Variants in IRF5 observed in about 807,000 individuals in gnomAD.
The protein encoded by IRF5 is interferon regulatory factor 5.
A neutral mutation model predicts 55.1 loss-of-function variants in IRF5; 24 were observed. The ratio of observed to expected loss-of-function variants is 0.44; its 90% CI spans 0.32 to 0.61. The LOEUF is 0.61. Ranked by LOEUF, IRF5 falls within the 20% of genes least tolerant of loss-of-function variation. IRF5 has a pLI of 0.07. For synonymous variants in IRF5, 258 were observed against 260.2 expected (o/e 0.99, Z 0.08); for missense variants, 499 against 658.5 (o/e 0.76, Z 2.65).
rs1305189706 is a variant in IRF5, at chr7:128,946,964, A to G, written c.448-59A>G. On this transcript the variant is annotated intron_variant, in intron 4 of 8. Coordinates refer to ENST00000357234, the MANE Select transcript of IRF5 (RefSeq NM_001098629.3). This position sits in a 1 kb window ranked among gnomAD's most constrained non-coding sequence, Gnocchi z 4.2. ...ATTTCCCCAGCCCCAGGTCAGTGGAATAACCTGTCCTCCTTTCTCTCCCAT... is the reference window on the plus strand; with the variant it reads ...ATTTCCCCAGCCCCAGGTCAGTGGAGTAACCTGTCCTCCTTTCTCTCCCAT... 1 of 1,596,416 alleles carries G rather than the reference A, an allele frequency of 6.3e-7. No homozygotes were observed. The highest frequency in any genetic ancestry group is 1.3e-5 in the African/African-American group (1 of 74,670).
rs989707822 is a variant in IRF5 at position 128,946,393 on chromosome 7, G to A, written c.386-108G>A. On this transcript the variant is annotated intron_variant, in intron 3 of 8. Transcript: ENST00000357234. This position sits in a 1 kb window ranked among gnomAD's most constrained non-coding sequence, Gnocchi z 4.2. Reference sequence around the variant, plus strand: ...CTCGCCCTGTGTTGGGGGCAGCTTTGGGGAAGGCAGAAGCTGCATAGGAGC... The same window carrying A: ...CTCGCCCTGTGTTGGGGGCAGCTTTAGGGAAGGCAGAAGCTGCATAGGAGC... 8.7e-6 allele frequency: 12 copies of A among 1,380,792 alleles called. No individual in the cohort carries two copies. In the African/African-American group the frequency reaches 1.6e-4, roughly 18 times the overall value. The allele number at this position is 1,380,792 out of a possible 1,614,324, so 85.5% of individuals were successfully genotyped here. A position where few individuals can be genotyped will look rare whatever the true frequency, so the allele number is the denominator to read the frequency against.
chr7:128,938,327 G>C (rs541777175), intron 1 of IRF5: 2 of 152,412 alleles, frequency 1.3e-5, no homozygotes, highest in African/African-American at 4.8e-5. Flanking sequence ...TGGGGTGCTG[G>C]CGCCCGGGGA....
intron 1 of IRF5, 22 bp downstream of exon 1, chr7:128,938,071 C>G (rs1795828853): frequency 1.3e-5 from 2 of 152,188 alleles, no homozygotes; most frequent in African/African-American, 4.8e-5. Flanking sequence ...CCGCCGCGCT[C>G]TCCTCTCTGC....
At chr7:128,940,532 G>A (rs1429983725) in intron 1 of IRF5, 1 of 152,534 alleles carries the variant, frequency 6.6e-6, no homozygotes, top group Non-Finnish European at 1.5e-5. Flanking sequence ...GGGGTGCGGG[G>A]AACAGCTCTG....
rs951239491 is a variant in IRF5, at chr7:128,946,297, G to A, written c.386-204G>A. Among the ~76,000 whole-genome samples, 4 of 152,218 alleles carry A rather than the reference G, an allele frequency of 2.6e-5. No individual in the cohort carries two copies. Among genetic ancestry groups the A allele is most frequent in the African/African-American group, 9.7e-5 (4 of 41,444 alleles). On this transcript the variant is annotated intron_variant, in intron 3 of 8. Coordinates refer to ENST00000357234, the MANE Select transcript of IRF5 (RefSeq NM_001098629.3). The surrounding 1 kb of genome is among the most constrained non-coding windows in gnomAD (Gnocchi z 4.2). ...ACCATTGCCCTCGTTTTGGCTTCTG[G>A]CTCCAGCCTAGGTCTCATGGCCCAT...
rs1796301374 is a variant in IRF5 at position 128,946,350 on chromosome 7, G to C, written c.386-151G>C. On this transcript the variant is annotated intron_variant, in intron 3 of 8. Coordinates refer to ENST00000357234, the MANE Select transcript of IRF5 (RefSeq NM_001098629.3). This position sits in a 1 kb window ranked among gnomAD's most constrained non-coding sequence, Gnocchi z 4.2. ...AGTCGGGGAGGTCTTTCCCAATCCT[G>C]GTGGCTGTGCCCTCCACCTCGCCCT... 4.3e-6 allele frequency: 4 copies of C among 937,290 alleles called. No homozygotes were observed. Among genetic ancestry groups the C allele is most frequent in the Non-Finnish European group, 4.8e-6 (3 of 629,430 alleles). 58.1% of individuals were successfully genotyped at this position (937,290 alleles called of 1,614,324 possible).
intron 2 of IRF5, among the ~76,000 whole-genome samples, 190 bp from the exon 3 acceptor site, chr7:128,945,655 G>A (rs561728650): frequency 1.3e-5 from 2 of 152,338 alleles, no homozygotes; most frequent in African/African-American, 4.8e-5. Context: ...CATGTAGCTT[G>A]CTGGCAGCCT....
At chr7:128,938,585 A>G (rs926973628) in intron 1 of IRF5, among the ~76,000 whole-genome samples, 2 of 152,180 alleles carry the variant, frequency 1.3e-5, no homozygotes, top group East Asian at 1.9e-4. Flanking sequence ...CTTCAGGCCA[A>G]TGGCAGGAAC....
chr7:128,946,417 GC>G lies in IRF5; in HGVS notation c.386-83del. 6.7e-7 allele frequency: 1 copy of G among 1,499,876 alleles called. No individual in the cohort carries two copies. The highest frequency in any genetic ancestry group is 9.1e-7 in the Non-Finnish European group (1 of 1,104,162). 92.9% of individuals were successfully genotyped at this position (1,499,876 alleles called of 1,614,324 possible). A position where few individuals can be genotyped will look rare whatever the true frequency, so the allele number is the denominator to read the frequency against. On this transcript the variant is annotated intron_variant, in intron 3 of 8. Coordinates refer to ENST00000357234, the MANE Select transcript of IRF5 (RefSeq NM_001098629.3). The surrounding 1 kb of genome is among the most constrained non-coding windows in gnomAD (Gnocchi z 4.2). ...TGGGGAAGGCAGAAGCTGCATAGGA[GC>G]TACAGGCAGCCTCTCAGGGGATCTT...
chr7:128,948,725 G>C lies in IRF5; in HGVS notation c.1452G>C (p.Gln484His), dbSNP rs1796467518. The C allele has an allele frequency of 6.2e-7, 1 of 1,613,640 alleles. No individual in the cohort carries two copies. The highest frequency in any genetic ancestry group is 8.5e-7 in the Non-Finnish European group (1 of 1,180,040). ...AGCTCCATCACATCTGGCAGTCCCA[G>C]CAGCGGTTGCAGCCTGTGGCCCAGG... ...FKELHHIWQS[Q>H]QRLQPVAQAP... Residue 484 changes from glutamine to histidine, a missense_variant, in exon 9 of 9, where the codon CAG becomes CAC. Physicochemically the swap from Gln to His is conservative, Grantham distance 24. Coordinates refer to ENST00000357234, the MANE Select transcript of IRF5 (RefSeq NM_001098629.3). This position sits in a 1 kb window ranked among gnomAD's most constrained non-coding sequence, Gnocchi z 4.6.
rs775986353 is a variant in IRF5 at position 128,948,591 on chromosome 7, C to T, written c.1318C>T (p.Arg440Ter). 5.0e-6 allele frequency: 8 copies of T among 1,613,846 alleles called. No homozygotes were observed. Among genetic ancestry groups the T allele is most frequent in the Admixed American group, 1.7e-5 (1 of 60,008 alleles). The stretch of plus-strand genomic sequence containing the variant: ...CTCCCAGGTGGTGCCTGTAGCAGCT[C>T]GACTGCTGCTGGAGATGTTCTCAGG... Reference protein sequence around the residue: ...ITVQVVPVAARLLLEMFSGEL... With the variant: ...ITVQVVPVAA The change falls in exon 9 of 9, where the codon CGA becomes TGA. Residue 440 changes from arginine (R) to a stop codon, truncating the protein, a stop_gained. Coordinates refer to ENST00000357234, the MANE Select transcript of IRF5 (RefSeq NM_001098629.3). LOFTEE classifies it high-confidence loss of function. This position sits in a 1 kb window ranked among gnomAD's most constrained non-coding sequence, Gnocchi z 4.6.
Position 128,947,774 on chromosome 7 carries a change from G to A in IRF5, c.833G>A (p.Arg278Gln), listed in dbSNP as rs770794321. Reference sequence around the variant, plus strand: ...TTTCAGTACCGGGGGCGGCCACCCCGGGCCCTCACCATCAGCAACCCCCAT... The same window carrying A: ...TTTCAGTACCGGGGGCGGCCACCCCAGGCCCTCACCATCAGCAACCCCCAT... ...IKFQYRGRPP[R>Q]ALTISNPHGC... Residue 278 changes from arginine to glutamine, a missense_variant, in exon 7 of 9, where the codon CGG (arginine) becomes CAG (glutamine). Physicochemically the swap from Arg to Gln is conservative, Grantham distance 43 (BLOSUM62 1). Coordinates refer to ENST00000357234, the MANE Select transcript of IRF5 (RefSeq NM_001098629.3). The surrounding 1 kb of genome is among the most constrained non-coding windows in gnomAD (Gnocchi z 6.5). 5.6e-6 allele frequency: 9 copies of A among 1,612,864 alleles called. No individual in the cohort carries two copies. Among genetic ancestry groups the A allele is most frequent in the South Asian group, 2.2e-5 (2 of 91,036 alleles).
In IRF5 at chr7:128,949,012, G is replaced by GTCTC; in HGVS notation, c.*196_*199dup. Reference sequence around the variant, plus strand: ...TTCCCGGGCCTTTCTCTCCTGGGCTGTCTCTGGTCTGGTCAGCCTGGCTCT... The same window carrying GTCTC: ...TTCCCGGGCCTTTCTCTCCTGGGCTGTCTCTCTCTGGTCTGGTCAGCCTGGCTCT... On this transcript the variant is annotated 3_prime_UTR_variant, in exon 9 of 9. Coordinates refer to ENST00000357234, the MANE Select transcript of IRF5 (RefSeq NM_001098629.3). The GTCTC allele has an allele frequency of 3.1e-6, 2 of 644,460 alleles. No individual in the cohort carries two copies. The highest frequency in any genetic ancestry group is 4.0e-5 in the South Asian group (2 of 49,932). The allele number at this position is 644,460 out of a possible 1,614,324, so 39.9% of individuals were successfully genotyped here. A position where few individuals can be genotyped will look rare whatever the true frequency, so the allele number is the denominator to read the frequency against.
rs759022616 is a variant in IRF5, at chr7:128,947,216, C to T, written c.482-14C>T. 1.9e-5 allele frequency: 31 copies of T among 1,598,214 alleles called. No homozygotes were observed. The highest frequency in any genetic ancestry group is 6.7e-5 in the East Asian group (3 of 44,750). On this transcript the variant is annotated splice_polypyrimidine_tract_variant and intron_variant, in intron 5 of 8. Coordinates refer to ENST00000357234, the MANE Select transcript of IRF5 (RefSeq NM_001098629.3). The surrounding 1 kb of genome is among the most constrained non-coding windows in gnomAD (Gnocchi z 6.5). The stretch of plus-strand genomic sequence containing the variant: ...GAGGTGGCACTGACAGCCGTCCACA[C>T]GCACTCTCTGTAGATGCAGTGCAGT...
intron 2 of IRF5, 39 bp from the exon 3 acceptor site, chr7:128,945,806 A>T (rs76902531): frequency 6.3e-7 from 1 of 1,580,970 alleles, no homozygotes; most frequent in Non-Finnish European, 8.6e-7. Flanking sequence ...TGTGGCAGGG[A>T]TGAGGTTCTC....
rs1458544047 is a variant in IRF5, at chr7:128,949,968, G to C, written c.*1150G>C. On this transcript the variant is annotated 3_prime_UTR_variant, in exon 9 of 9. Coordinates refer to ENST00000357234, the MANE Select transcript of IRF5 (RefSeq NM_001098629.3). The stretch of plus-strand genomic sequence containing the variant: ...GGAAGCTGCCCCAGGCCCTTACCAG[G>C]TGCAGATGCCCAATCTTGATGCCCA... The C allele has an allele frequency of 6.6e-6, 1 of 151,772 alleles. No individual in the cohort carries two copies. Among genetic ancestry groups the C allele is most frequent in the African/African-American group, 2.4e-5 (1 of 41,066 alleles). 9.4% of individuals were successfully genotyped at this position (151,772 alleles called of 1,614,324 possible).
chr7:128,949,782 T>C lies in IRF5; in HGVS notation c.*964T>C, dbSNP rs1796524422. 1 of 152,192 alleles carries C rather than the reference T, an allele frequency of 6.6e-6. No homozygotes were observed. Among genetic ancestry groups the C allele is most frequent in the Non-Finnish European group, 1.5e-5 (1 of 68,034 alleles). The allele number at this position is 152,192 out of a possible 1,614,324, so 9.4% of individuals were successfully genotyped here. ...AGTGCATGTAAATCATCCTGATATA[T>C]TTAATATATTTATTATATTGTCCCC... is the stretch of plus-strand genomic sequence containing the variant. On this transcript the variant is annotated 3_prime_UTR_variant, in exon 9 of 9. Coordinates refer to ENST00000357234, the MANE Select transcript of IRF5 (RefSeq NM_001098629.3).
chr7:128,945,793 G>A, intron 2 of IRF5, 52 bp from the exon 3 acceptor site: 1 of 1,555,874 alleles, frequency 6.4e-7, no homozygotes, highest in Admixed American at 2.0e-5. Context: ...GGCAGACTGG[G>A]GCTGTGGCAG....
upstream of IRF5, chr7:128,937,861 GC>G (rs1795820451): frequency 1.6e-5 from 1 of 61,240 alleles, no homozygotes; most frequent in Admixed American, 1.8e-4. Context: ...GAGTGGATTC[GC>G]GGGGCGGGGC....
Sources: gnomAD v4.1 joint callset for allele counts (sites outside exome capture counted in the v4.1 genomes callset) on GRCh38, gnomAD v4.1.1 for gene constraint, Gnocchi (gnomAD v3.1) non-coding constraint, MANE v1.5 for transcripts, NCBI Gene and HGNC (gene_info 2026-07-23, HGNC 2026-07-21) for gene names.